Variants in PEX14 observed in about 807,000 individuals in gnomAD.
PEX14 encodes peroxisomal membrane protein PEX14.
Under a neutral mutation model 49.5 loss-of-function variants are expected in PEX14, and 15 were observed. The ratio of observed to expected loss-of-function variants is 0.30; its 90% CI spans 0.20 to 0.47. PEX14 has a LOEUF of 0.47. Ranked by LOEUF, PEX14 falls within the 20% of genes least tolerant of loss-of-function variation. The probability of loss-of-function intolerance (pLI) is 1.00; values close to 1 mark genes in which losing one functional copy is unlikely to be tolerated. For missense variants in PEX14, 398 were observed against 494.8 expected, an observed-to-expected ratio of 0.80 and a Z score of 1.86; for synonymous variants, 210 against 212.7, an observed-to-expected ratio of 0.99 and a Z score of 0.11.
chr1:10,591,682 T>A (rs1640673125), intron 3 of PEX14, among the ~76,000 whole-genome samples: 3 of 144,612 alleles, frequency 2.1e-5, no homozygotes, highest in South Asian at 4.5e-4. Flanking sequence ...TGTGTGGACT[T>A]CTCTGTACCC....
chr1:10,560,127 G>A (rs1480806488), intron 3 of PEX14, among the ~76,000 whole-genome samples: 1 of 151,246 alleles, frequency 6.6e-6, no homozygotes. Flanking sequence ...GCACGATCTT[G>A]GCTCACTGCA....
At position 10,630,206 on chromosome 1, in the gene PEX14, C is replaced by A; in HGVS notation, c.*219C>A. Reference sequence around the variant, plus strand: ...CCGCCAGCCCCAGCCCCAGCCCCAGCCCCAGGCCCAGCTGCCTTTGGCTTT... The same window carrying A: ...CCGCCAGCCCCAGCCCCAGCCCCAGACCCAGGCCCAGCTGCCTTTGGCTTT... On this transcript the variant is annotated 3_prime_UTR_variant, in exon 9 of 9. Transcript: ENST00000356607. The surrounding 1 kb of genome is among the most constrained non-coding windows in gnomAD (Gnocchi z 4.1). The A allele has an allele frequency of 1.4e-6, 1 of 703,324 alleles. No individual in the cohort carries two copies. Among genetic ancestry groups the A allele is most frequent in the Non-Finnish European group, 2.3e-6 (1 of 434,228 alleles). The allele number at this position is 703,324 out of a possible 1,614,324, so 43.6% of individuals were successfully genotyped here. A position where few individuals can be genotyped will look rare whatever the true frequency, so the allele number is the denominator to read the frequency against.
At chr1:10,483,523 G>T (rs1641318060) in intron 1 of PEX14, among the ~76,000 whole-genome samples, 1 of 151,830 alleles carries the variant, frequency 6.6e-6, no homozygotes, top group African/African-American at 2.4e-5. Context: ...CACTATGTTG[G>T]CCAGGATGGT....
intron 1 of PEX14, among the ~76,000 whole-genome samples, chr1:10,481,118 T>C (rs1309281216): frequency 1.6e-5 from 2 of 128,678 alleles, no homozygotes; most frequent in African/African-American, 3.3e-5. Context: ...CTCTTTAGTC[T>C]TTTTTTTTTT....
chr1:10,559,517 GA>G (rs1639586152), intron 3 of PEX14, among the ~76,000 whole-genome samples: 1 of 152,156 alleles, frequency 6.6e-6, no homozygotes. Flanking sequence ...TCAGTGAGTA[GA>G]CCCCTGTGTG....
At chr1:10,616,627 G>A (rs995336451) in intron 4 of PEX14, among the ~76,000 whole-genome samples, 1 of 152,134 alleles carries the variant, frequency 6.6e-6, no homozygotes, top group Non-Finnish European at 1.5e-5. Flanking sequence ...CAGAGCACCC[G>A]CCACGTGGCC....
intron 2 of PEX14, among the ~76,000 whole-genome samples, chr1:10,528,651 A>C (rs1463105257): frequency 6.6e-6 from 1 of 152,188 alleles, no homozygotes; most frequent in East Asian, 1.9e-4. Context: ...TTAACAGTGC[A>C]GGGAAATTAG....
At chr1:10,481,117 CT>C (rs577625301) in intron 1 of PEX14, among the ~76,000 whole-genome samples, 8,416 of 140,952 alleles carry the variant, frequency 0.06, 435 homozygotes, top group African/African-American at 0.13. Flanking sequence ...TCTCTTTAGT[CT>C]TTTTTTTTTT....
At chr1:10,621,330 C>T (rs920756272) in intron 5 of PEX14, among the ~76,000 whole-genome samples, 3 of 146,340 alleles carry the variant, frequency 2.1e-5, no homozygotes, top group African/African-American at 5.0e-5. Flanking sequence ...GTTACACACA[C>T]ATATATGAAT....
chr1:10,626,252 G>A (rs1211955664), intron 7 of PEX14, among the ~76,000 whole-genome samples: 1 of 152,222 alleles, frequency 6.6e-6, no homozygotes, highest in East Asian at 1.9e-4. Context: ...AGGCCAGTGA[G>A]TGGAAATTGT....
At chr1:10,594,961 C>T (rs1434813982) in intron 3 of PEX14, among the ~76,000 whole-genome samples, 2 of 152,048 alleles carry the variant, frequency 1.3e-5, no homozygotes, top group South Asian at 2.1e-4. Flanking sequence ...CCTGTGGCCA[C>T]GCAGGTCAGA....
At chr1:10,527,576 G>GT (rs1638526256) in intron 2 of PEX14, among the ~76,000 whole-genome samples, 2 of 151,772 alleles carry the variant, frequency 1.3e-5, no homozygotes, top group African/African-American at 4.8e-5. Flanking sequence ...GCTATGAGTA[G>GT]TTCTTTTTTT....
intron 3 of PEX14, among the ~76,000 whole-genome samples, chr1:10,551,808 A>G (rs1266390949): frequency 6.6e-6 from 1 of 152,198 alleles, no homozygotes; most frequent in Non-Finnish European, 1.5e-5. Context: ...CAAAAATACA[A>G]TCAGAAAGTT....
intron 3 of PEX14, among the ~76,000 whole-genome samples, chr1:10,591,961 G>GA (rs1240524307): frequency 6.6e-6 from 1 of 151,874 alleles, no homozygotes; most frequent in Non-Finnish European, 1.5e-5. Context: ...AAAACAGAAG[G>GA]AAAAAAGAAA....
chr1:10,622,609 C>T (rs1487394089), intron 5 of PEX14, among the ~76,000 whole-genome samples: 1 of 152,180 alleles, frequency 6.6e-6, no homozygotes, highest in Non-Finnish European at 1.5e-5. Context: ...AAGAGCTGCC[C>T]CGCCTCCCTC....
intron 3 of PEX14, among the ~76,000 whole-genome samples, chr1:10,591,313 G>T (rs762178984): frequency 6.6e-6 from 1 of 152,114 alleles, no homozygotes; most frequent in Non-Finnish European, 1.5e-5. Flanking sequence ...TAAGCAAGAA[G>T]TTAGAAATTG....
intron 1 of PEX14, among the ~76,000 whole-genome samples, chr1:10,491,982 C>T (rs900289663): frequency 1.3e-5 from 2 of 152,098 alleles, no homozygotes; most frequent in Non-Finnish European, 2.9e-5. Context: ...TGCACCCGGC[C>T]GGCCATGCTT....
chr1:10,498,315 C>CAA (rs1248113608), intron 2 of PEX14, among the ~76,000 whole-genome samples: 12 of 132,712 alleles, frequency 9.0e-5, no homozygotes, highest in Non-Finnish European at 1.8e-4. Flanking sequence ...CAAAACAAAA[C>CAA]AAAAGAATGA....
At chr1:10,585,335 G>T (rs1640449406) in intron 3 of PEX14, among the ~76,000 whole-genome samples, 1 of 152,088 alleles carries the variant, frequency 6.6e-6, no homozygotes, top group African/African-American at 2.4e-5. Context: ...GAATTAAAAA[G>T]AAGACAGGAG....
Sources: allele counts gnomAD v4.1 joint callset (sites outside exome capture counted in the v4.1 genomes callset), GRCh38; gene constraint gnomAD v4.1.1; non-coding constraint Gnocchi (gnomAD v3.1); transcripts MANE v1.5; gene names NCBI Gene and HGNC (gene_info 2026-07-23, HGNC 2026-07-21).